The following CAB39L variants were observed in gnomAD, a reference collection of about 807,000 sequenced individuals.
CAB39L encodes the protein calcium-binding protein 39-like.
Under a neutral mutation model 39.1 loss-of-function variants are expected in CAB39L, and 23 were observed. The ratio of observed to expected loss-of-function variants is 0.59; its 90% CI spans 0.42 to 0.83. CAB39L has a LOEUF of 0.83. Among genes scored for constraint, CAB39L ranks in the 40% least tolerant of loss-of-function variants. The pLI is 0.00. For synonymous variants in CAB39L, 126 were observed against 137.2 expected, an observed-to-expected ratio of 0.92 and a Z score of 0.57; for missense variants, 366 against 391.9, an observed-to-expected ratio of 0.93 and a Z score of 0.56.
intron 3 of CAB39L, among the ~76,000 whole-genome samples, chr13:49,384,880 G>A (rs956431901): frequency 6.6e-6 from 1 of 152,200 alleles, no homozygotes; most frequent in African/African-American, 2.4e-5. Flanking sequence ...ATCAGGCTTT[G>A]TTGTTCCATT....
At chr13:49,334,078 C>G (rs1037558268) in intron 9 of CAB39L, among the ~76,000 whole-genome samples, 1 of 152,116 alleles carries the variant, frequency 6.6e-6, no homozygotes, top group Non-Finnish European at 1.5e-5. Flanking sequence ...TAAGACCTAC[C>G]AATTTTCTGT....
At chr13:49,442,881 T>C (rs1957564525) in intron 1 of CAB39L, among the ~76,000 whole-genome samples, 2 of 151,850 alleles carry the variant, frequency 1.3e-5, no homozygotes, top group South Asian at 2.1e-4. Context: ...GTCTTTATCA[T>C]GTATTGTTGA....
At chr13:49,346,338 A>G (rs1955176179) in intron 7 of CAB39L, among the ~76,000 whole-genome samples, 1 of 149,420 alleles carries the variant, frequency 6.7e-6, no homozygotes, top group South Asian at 2.1e-4. Context: ...CTGAGTGAAA[A>G]AAAAAAAAAG....
At chr13:49,432,831 C>G (rs973354914) in intron 3 of CAB39L, among the ~76,000 whole-genome samples, 1 of 152,130 alleles carries the variant, frequency 6.6e-6, no homozygotes, top group Non-Finnish European at 1.5e-5. Context: ...TTTAAGTCTA[C>G]CCAGAACTGA....
chr13:49,327,125 A>G (rs1241279607), intron 10 of CAB39L, among the ~76,000 whole-genome samples: 3 of 151,888 alleles, frequency 2.0e-5, no homozygotes, highest in African/African-American at 7.3e-5. Context: ...CATTGGCTCT[A>G]TCAAAATCTA....
At chr13:49,418,149 T>A (rs975038136) in intron 3 of CAB39L, among the ~76,000 whole-genome samples, 5 of 151,894 alleles carry the variant, frequency 3.3e-5, no homozygotes, top group Non-Finnish European at 7.4e-5. Context: ...GAAAAAAAAA[T>A]GTCCATTAAC....
intron 10 of CAB39L, among the ~76,000 whole-genome samples, chr13:49,312,829 G>A (rs575301359): frequency 3.9e-5 from 6 of 152,066 alleles, no homozygotes; most frequent in South Asian, 2.1e-4. Context: ...TCCAGTATAC[G>A]TACCTCACAA....
chr13:49,377,854 G>C (rs1443611120), intron 4 of CAB39L, among the ~76,000 whole-genome samples: 1 of 84,246 alleles, frequency 1.2e-5, no homozygotes. Context: ...TGGCTGCCCA[G>C]TCTGGAAAGT....
intron 3 of CAB39L, among the ~76,000 whole-genome samples, chr13:49,422,735 G>A (rs1428225533): frequency 6.6e-6 from 1 of 151,842 alleles, no homozygotes; most frequent in Non-Finnish European, 1.5e-5. Flanking sequence ...AATGCACCCG[G>A]CTTCCCTTAC....
At chr13:49,347,000 A>C (rs924413641) in intron 7 of CAB39L, among the ~76,000 whole-genome samples, 9 of 152,186 alleles carry the variant, frequency 5.9e-5, no homozygotes, top group African/African-American at 1.7e-4. Context: ...TTAAGAGCTC[A>C]AAACCAAAAA....
At chr13:49,435,899 A>G (rs902734090) in intron 1 of CAB39L, among the ~76,000 whole-genome samples, 3 of 152,162 alleles carry the variant, frequency 2.0e-5, no homozygotes, top group African/African-American at 7.2e-5. Context: ...GAATTTTACG[A>G]AGGTGTTTTC....
chr13:49,356,453 AGAGT>A (rs760942692), intron 6 of CAB39L, among the ~76,000 whole-genome samples: 44 of 152,310 alleles, frequency 2.9e-4, no homozygotes, highest in Admixed American at 2.3e-3. Context: ...AAATTCATTT[AGAGT>A]GAGTAAGTCC....
intron 7 of CAB39L, among the ~76,000 whole-genome samples, chr13:49,347,676 C>G (rs969877722): frequency 1.3e-5 from 2 of 152,170 alleles, no homozygotes; most frequent in African/African-American, 4.8e-5. Context: ...CGAGGCCTAT[C>G]TCACCACTAG....
chr13:49,409,083 T>C (rs1007538845), intron 3 of CAB39L, among the ~76,000 whole-genome samples: 9 of 152,126 alleles, frequency 5.9e-5, no homozygotes, highest in African/African-American at 1.9e-4. Flanking sequence ...GAATTCATAT[T>C]CCCTAAATTG....
At chr13:49,312,902 T>C (rs895432270) in intron 10 of CAB39L, among the ~76,000 whole-genome samples, 1 of 152,164 alleles carries the variant, frequency 6.6e-6, no homozygotes, top group African/African-American at 2.4e-5. Context: ...ACATTACAAA[T>C]GGAACCAAAC....
At chr13:49,393,742 T>G (rs1345807503) in intron 3 of CAB39L, among the ~76,000 whole-genome samples, 1 of 152,008 alleles carries the variant, frequency 6.6e-6, no homozygotes, top group Non-Finnish European at 1.5e-5. Flanking sequence ...TATTTAAATG[T>G]CAGTTATTCT....
At chr13:49,342,105 T>C (rs1423534378) in intron 8 of CAB39L, among the ~76,000 whole-genome samples, 1 of 152,196 alleles carries the variant, frequency 6.6e-6, no homozygotes, top group African/African-American at 2.4e-5. Flanking sequence ...AGATATACTA[T>C]TGATAGGCAG....
At chr13:49,344,084 T>A in intron 8 of CAB39L, 95 bp downstream of exon 8, 1 of 777,098 alleles carries the variant, frequency 1.3e-6, no homozygotes, top group South Asian at 1.5e-5. Context: ...TGCGACTGAT[T>A]TCTCTTGTGG....
chr13:49,425,794 C>G (rs568418398), intron 3 of CAB39L, among the ~76,000 whole-genome samples: 1 of 152,270 alleles, frequency 6.6e-6, no homozygotes, highest in African/African-American at 2.4e-5. Context: ...TCTGGAAATT[C>G]GTTAAGACTC....
Sources: allele counts gnomAD v4.1 joint callset (sites outside exome capture counted in the v4.1 genomes callset), GRCh38; gene constraint gnomAD v4.1.1; transcripts MANE v1.5; gene names NCBI Gene and HGNC (gene_info 2026-07-23, HGNC 2026-07-21).